Variants in HPS3 observed in about 807,000 individuals in gnomAD.
HPS3 encodes the protein BLOC-2 complex member HPS3.
A neutral mutation model predicts 110.9 loss-of-function variants in HPS3; 79 were observed. The ratio of observed to expected loss-of-function variants is 0.71; its 90% CI spans 0.59 to 0.86. The LOEUF is 0.86. Among genes scored for constraint, HPS3 ranks in the 40% least tolerant of loss-of-function variants. The probability of loss-of-function intolerance (pLI) is 0.00; values close to 1 mark genes in which losing one functional copy is unlikely to be tolerated. For missense variants in HPS3, 1,197 were observed against 1,206.2 expected (o/e 0.99, Z 0.11); for synonymous variants, 428 against 451.0 (o/e 0.95, Z 0.65).
At chr3:149,135,544 C>G (rs1432163204) in intron 1 of HPS3, among the ~76,000 whole-genome samples, 2 of 152,198 alleles carry the variant, frequency 1.3e-5, no homozygotes, top group African/African-American at 4.8e-5. Flanking sequence ...TATAAGTTTT[C>G]TGAGGTCCCC....
At position 149,145,563 on chromosome 3, in the gene HPS3, A is replaced by G; in HGVS notation, c.1163+17A>G. On this transcript the variant is annotated intron_variant, in intron 5 of 16. Coordinates refer to ENST00000296051, the MANE Select transcript of HPS3 (RefSeq NM_032383.5). ...CATTACAAGGTACTGTTAGAGGGTC[A>G]CTTGCTGGCCTGTGAGTCACTTATT... 3 of 1,605,662 alleles carry G rather than the reference A, an allele frequency of 1.9e-6. No homozygotes were observed. Among genetic ancestry groups the G allele is most frequent in the Non-Finnish European group, 2.6e-6 (3 of 1,172,212 alleles).
intron 6 of HPS3, among the ~76,000 whole-genome samples, chr3:149,151,233 G>A (rs867930934): frequency 2.0e-5 from 3 of 150,040 alleles, no homozygotes; most frequent in South Asian, 2.1e-4. Context: ...AGGTTTTGCC[G>A]TGTCGCCCAG....
chr3:149,157,583 T>G, intron 9 of HPS3, 52 bp downstream of exon 9: 1 of 1,538,256 alleles, frequency 6.5e-7, no homozygotes, highest in Admixed American at 1.7e-5. Flanking sequence ...GAACTTTGGG[T>G]ACACTTGTTA....
At chr3:149,155,752 A>G (rs1284571188) in intron 8 of HPS3, among the ~76,000 whole-genome samples, 1 of 152,184 alleles carries the variant, frequency 6.6e-6, no homozygotes, top group Non-Finnish European at 1.5e-5. Flanking sequence ...TCAAACTTAC[A>G]GAAAAGTTGC....
At chr3:149,166,066 T>A (rs1216154357) in intron 14 of HPS3, 11 of 454,526 alleles carry the variant, frequency 2.4e-5, no homozygotes, top group Non-Finnish European at 4.9e-5. Flanking sequence ...GCAAAAAGGG[T>A]ACAGGGACAA....
chr3:149,135,603 C>T (rs948694233), intron 1 of HPS3, among the ~76,000 whole-genome samples: 4 of 152,166 alleles, frequency 2.6e-5, no homozygotes, highest in Non-Finnish European at 5.9e-5. Context: ...CTTTATTACC[C>T]AGTCTCAGGT....
intron 5 of HPS3, 101 bp downstream of exon 5, chr3:149,145,647 C>T (rs1399099860): frequency 3.3e-6 from 3 of 901,248 alleles, no homozygotes; most frequent in Non-Finnish European, 5.6e-6. Context: ...GCATAGAGTA[C>T]TATAAATGCA....
At chr3:149,132,633 G>A (rs917925910) in intron 1 of HPS3, among the ~76,000 whole-genome samples, 6 of 152,194 alleles carry the variant, frequency 3.9e-5, no homozygotes, top group Non-Finnish European at 8.8e-5. Context: ...CATCCATTCC[G>A]CAGCCCATGG....
Position 149,160,275 on chromosome 3 carries a change from C to A in HPS3, c.2102C>A (p.Ser701Ter). ...CACAGAAATGAAATGAAAAGCCATT[C>A]AGAGGTATGGAGCTCTGCCCGGTGC... ...DMHRNEMKSH[S>*]EMKLVCGFIL... The change falls in exon 11 of 17, where the codon TCA becomes TAA. Residue 701 changes from serine to a stop codon, truncating the protein, a stop_gained. Coordinates refer to ENST00000296051, the MANE Select transcript of HPS3 (RefSeq NM_032383.5). LOFTEE classifies it high-confidence loss of function. The A allele has an allele frequency of 6.2e-7, 1 of 1,606,766 alleles. No homozygotes were observed. Among genetic ancestry groups the A allele is most frequent in the South Asian group, 1.1e-5 (1 of 90,906 alleles).
At chr3:149,163,578 T>C (rs1231564366) in intron 13 of HPS3, among the ~76,000 whole-genome samples, 1 of 152,262 alleles carries the variant, frequency 6.6e-6, no homozygotes, top group African/African-American at 2.4e-5. Flanking sequence ...TTGGCTTAAA[T>C]GCAGTATTGC....
At chr3:149,141,531 G>GTTTT (rs10718838) in intron 4 of HPS3, 151 bp downstream of exon 4, 88 of 382,446 alleles carry the variant, frequency 2.3e-4, no homozygotes, top group African/African-American at 1.1e-3. Context: ...TTTTTTTTTT[G>GTTTT]TTTTTTTTTT....
intron 1 of HPS3, among the ~76,000 whole-genome samples, chr3:149,130,994 A>G (rs936370216): frequency 6.6e-5 from 10 of 152,182 alleles, no homozygotes; most frequent in African/African-American, 2.4e-4. Flanking sequence ...TTACGTTGCA[A>G]AAGCTGGTGG....
chr3:149,145,601 AG>A (rs1722743825), intron 5 of HPS3, 55 bp downstream of exon 5: 3 of 1,351,580 alleles, frequency 2.2e-6, no homozygotes, highest in Non-Finnish European at 3.2e-6. Flanking sequence ...TAAATTTTTG[AG>A]GTACTTCCTA....
chr3:149,156,117 A>G (rs1473959625), intron 8 of HPS3, among the ~76,000 whole-genome samples: 1 of 152,002 alleles, frequency 6.6e-6, no homozygotes, highest in African/African-American at 2.4e-5. Flanking sequence ...ATTTTACCCT[A>G]TTTGCTTCTC....
chr3:149,169,098 A>G (rs1483378399), intron 16 of HPS3, among the ~76,000 whole-genome samples: 2 of 151,902 alleles, frequency 1.3e-5, no homozygotes, highest in Admixed American at 1.3e-4. Context: ...ATTTACCTTT[A>G]TTAGACTGTA....
Position 149,153,497 on chromosome 3 carries a change from T to G in HPS3, c.1249T>G (p.Cys417Gly), listed in dbSNP as rs757349201. The G allele has an allele frequency of 1.9e-6, 3 of 1,613,566 alleles. No homozygotes were observed. Among genetic ancestry groups the G allele is most frequent in the Non-Finnish European group, 2.5e-6 (3 of 1,179,440 alleles). Residue 417 changes from cysteine to glycine, a missense_variant, in exon 7 of 17, where the codon TGC (cysteine) becomes GGC (glycine). Coordinates refer to ENST00000296051, the MANE Select transcript of HPS3 (RefSeq NM_032383.5). Reference sequence around the variant, plus strand: ...ATATGTGATTTTCCTTTACTAGGCTTGCCCACCTGTCAGTATGGATGTCTG... The same window carrying G: ...ATATGTGATTTTCCTTTACTAGGCTGGCCCACCTGTCAGTATGGATGTCTG... ...DPYMDTTLKA[C>G]PPVSMDVCAL...
intron 1 of HPS3, among the ~76,000 whole-genome samples, chr3:149,138,421 T>A (rs1228828288): frequency 6.6e-6 from 1 of 152,184 alleles, no homozygotes; most frequent in East Asian, 1.9e-4. Flanking sequence ...TCCTCTGACT[T>A]ATCTCCTTCT....
intron 14 of HPS3, among the ~76,000 whole-genome samples, chr3:149,165,778 A>G (rs1012141674): frequency 4.6e-5 from 7 of 152,086 alleles, no homozygotes; most frequent in Non-Finnish European, 7.4e-5. Context: ...TCCCTTCCCC[A>G]TTATCTGGAT....
At chr3:149,148,530 G>A (rs1722915653) in intron 5 of HPS3, among the ~76,000 whole-genome samples, 1 of 150,732 alleles carries the variant, frequency 6.6e-6, no homozygotes, top group Non-Finnish European at 1.5e-5. Context: ...AGCCTCCTGA[G>A]TAGCTGGGGT....
Sources: gnomAD v4.1 joint callset for allele counts (sites outside exome capture counted in the v4.1 genomes callset) on GRCh38, gnomAD v4.1.1 for gene constraint, MANE v1.5 for transcripts, NCBI Gene and HGNC (gene_info 2026-07-23, HGNC 2026-07-21) for gene names.